FRMPD4: variants seen among roughly 807,000 people sequenced by gnomAD.
FRMPD4 encodes the protein FERM and PDZ domain-containing protein 4.
FRMPD4 carries 22 observed loss-of-function variants against 94.1 expected under a neutral mutation model. The ratio of observed to expected loss-of-function variants is 0.23; its 90% CI spans 0.17 to 0.33. FRMPD4 has a LOEUF of 0.33. Ranked by LOEUF, FRMPD4 falls within the 10% of genes least tolerant of loss-of-function variation. The pLI, the probability that FRMPD4 is intolerant of heterozygous loss-of-function variation, is 1.00. For missense variants in FRMPD4, 1,111 were observed against 1,339.9 expected (o/e 0.83, Z 2.67); for synonymous variants, 631 against 548.6 (o/e 1.15, Z -2.10).
At chrX:11,999,532 A>G (rs982371476) in intron 3 of FRMPD4, among the ~76,000 whole-genome samples, 1 of 112,394 alleles carries the variant, frequency 8.9e-6, no homozygotes, top group Non-Finnish European at 1.9e-5. Flanking sequence ...AAGATAAACA[A>G]CATTGGGTGT....
intron 1 of FRMPD4, among the ~76,000 whole-genome samples, chrX:12,455,403 G>C (rs1339291842): frequency 8.9e-6 from 1 of 111,819 alleles, no homozygotes. Flanking sequence ...CTTGTGTAGA[G>C]TATAAAATGG....
intron 11 of FRMPD4, among the ~76,000 whole-genome samples, chrX:12,704,797 C>A (rs139340727): frequency 0.017 from 1,891 of 112,204 alleles, 16 homozygotes; most frequent in Non-Finnish European, 0.026. Flanking sequence ...ATTGTGAAAT[C>A]ATTCTATGTT....
intron 2 of FRMPD4, among the ~76,000 whole-genome samples, chrX:12,570,691 G>A (rs2058753391): frequency 8.9e-6 from 1 of 111,809 alleles, no homozygotes; most frequent in Non-Finnish European, 1.9e-5. Context: ...CAAGGGTTAT[G>A]TTGCAAGACC....
intron 3 of FRMPD4, among the ~76,000 whole-genome samples, chrX:12,117,570 A>G (rs770893223): frequency 8.1e-5 from 9 of 111,759 alleles, no homozygotes; most frequent in Non-Finnish European, 1.5e-4. Flanking sequence ...TCCCCCAAAT[A>G]AAAGGACACA....
chrX:12,710,633 C>T (rs1449239039), intron 14 of FRMPD4, 96 bp downstream of exon 14: 8 of 830,480 alleles, frequency 9.6e-6, no homozygotes, highest in South Asian at 2.6e-5. Flanking sequence ...TAAGGCCAGG[C>T]GCGGTGGCTC....
At chrX:12,706,599 C>T (rs1302354434) in intron 11 of FRMPD4, among the ~76,000 whole-genome samples, 1 of 111,894 alleles carries the variant, frequency 8.9e-6, no homozygotes, top group Non-Finnish European at 1.9e-5. Context: ...GTGCCCCATA[C>T]ATTGACCCCC....
intron 2 of FRMPD4, among the ~76,000 whole-genome samples, chrX:11,867,176 A>G (rs1215221029): frequency 1.8e-5 from 2 of 111,836 alleles, no homozygotes; most frequent in African/African-American, 6.5e-5. Flanking sequence ...GAATCATGAT[A>G]TGAAATCTGG....
chrX:11,880,342 A>C (rs987039583), intron 3 of FRMPD4, among the ~76,000 whole-genome samples: 3 of 111,828 alleles, frequency 2.7e-5, no homozygotes, highest in African/African-American at 9.8e-5. Flanking sequence ...TGGTTCATCC[A>C]ATTATCTAGT....
At chrX:12,720,339 T>C (rs1602382251) in intron 16 of FRMPD4, among the ~76,000 whole-genome samples, 195 bp from the exon 17 acceptor site, 1 of 111,868 alleles carries the variant, frequency 8.9e-6, no homozygotes, top group Middle Eastern at 4.6e-3. Flanking sequence ...CAGTATTTTC[T>C]TGATATTCAT....
intron 3 of FRMPD4, among the ~76,000 whole-genome samples, chrX:12,112,255 A>G (rs1388553522): frequency 8.9e-6 from 1 of 111,908 alleles, no homozygotes; most frequent in African/African-American, 3.2e-5. Flanking sequence ...TGATGAGTTC[A>G]TGTCCTTTGT....
At chrX:12,497,258 T>C (rs5979638) in intron 1 of FRMPD4, among the ~76,000 whole-genome samples, 4,415 of 111,463 alleles carry the variant, frequency 0.04, 235 homozygotes, top group African/African-American at 0.14. Flanking sequence ...ACTGTACTAT[T>C]ACTTTTGGAA....
At chrX:12,465,676 A>C (rs778375702) in intron 1 of FRMPD4, among the ~76,000 whole-genome samples, 1 of 112,218 alleles carries the variant, frequency 8.9e-6, no homozygotes, top group East Asian at 2.8e-4. Context: ...GGTTTTAATA[A>C]GCATTTGCTT....
At position 12,325,161 on chromosome X, in the gene FRMPD4, T is replaced by A. The variant is rs150808199; in HGVS notation, c.42-173519T>A. 6.9e-3 allele frequency among the ~76,000 whole-genome samples: 774 copies of A among 112,667 alleles called. 5 individuals are homozygous for A. Among genetic ancestry groups the A allele is most frequent in the African/African-American group, 0.017 (539 of 31,111 alleles). ...GAAACTTTCCTATACTATTTTTAAT[T>A]TTTTTGTATTAGACTCATGTGTAAT... On this transcript the variant is annotated intron_variant, in intron 1 of 16. Transcript: ENST00000675598.
chrX:12,116,725 C>T (rs2055412169), intron 3 of FRMPD4, among the ~76,000 whole-genome samples: 1 of 111,657 alleles, frequency 9.0e-6, no homozygotes, highest in African/African-American at 3.3e-5. Context: ...GCTTTCTGTG[C>T]CTGACCCTCC....
At chrX:12,098,439 CA>C (rs2055225684) in intron 3 of FRMPD4, among the ~76,000 whole-genome samples, 2 of 112,323 alleles carry the variant, frequency 1.8e-5, no homozygotes. Flanking sequence ...ATAATGGCTA[CA>C]CATTAACCAA....
chrX:12,410,815 A>C (rs1345334247), intron 1 of FRMPD4, among the ~76,000 whole-genome samples: 3 of 111,375 alleles, frequency 2.7e-5, no homozygotes, highest in African/African-American at 9.8e-5. Flanking sequence ...TCATCTTATC[A>C]CGGACTTAAA....
intron 1 of FRMPD4, among the ~76,000 whole-genome samples, chrX:12,158,247 A>G (rs2055967003): frequency 9.0e-6 from 1 of 111,540 alleles, no homozygotes; most frequent in South Asian, 3.8e-4. Flanking sequence ...ATGTAGGTAG[A>G]GGTTCCCAGT....
At chrX:12,493,556 T>C (rs1277692462) in intron 1 of FRMPD4, among the ~76,000 whole-genome samples, 1 of 112,052 alleles carries the variant, frequency 8.9e-6, no homozygotes, top group Non-Finnish European at 1.9e-5. Context: ...TCCAAAATAT[T>C]ACCAGATACA....
At chrX:11,990,821 C>A (rs1213868267) in intron 3 of FRMPD4, among the ~76,000 whole-genome samples, 2 of 111,953 alleles carry the variant, frequency 1.8e-5, no homozygotes, top group African/African-American at 6.5e-5. Flanking sequence ...AGGTCCTCTA[C>A]ACAGGGCTTT....
Sources: gnomAD v4.1 joint callset for allele counts (sites outside exome capture counted in the v4.1 genomes callset) on GRCh38, gnomAD v4.1.1 for gene constraint, MANE v1.5 for transcripts, NCBI Gene and HGNC (gene_info 2026-07-23, HGNC 2026-07-21) for gene names.